SEPTIN11: variants seen among roughly 807,000 people sequenced by gnomAD.
SEPTIN11 encodes the protein septin-11.
SEPTIN11 carries 25 observed loss-of-function variants against 51.4 expected under a neutral mutation model. The ratio of observed to expected loss-of-function variants is 0.49; its 90% CI spans 0.35 to 0.68. The LOEUF (loss-of-function observed/expected upper bound fraction) is 0.68, where lower values mean the gene tolerates loss of function less well. Ranked by LOEUF, SEPTIN11 falls within the 30% of genes least tolerant of loss-of-function variation. The probability of loss-of-function intolerance (pLI) is 0.00; values close to 1 mark genes in which losing one functional copy is unlikely to be tolerated. For missense variants in SEPTIN11, 381 were observed against 520.8 expected (o/e 0.73, Z 2.61); for synonymous variants, 174 against 184.1 (o/e 0.95, Z 0.44).
Position 77,037,396 on chromosome 4 carries a change from CT to C in SEPTIN11, c.*2885del. On this transcript the variant is annotated 3_prime_UTR_variant, in exon 10 of 10. Transcript: ENST00000264893. ...GAAATTATTAATCCCTGCCTGTGCT[CT>C]ACATAGCCTCATGGGCATCATTGGA... is the stretch of plus-strand genomic sequence containing the variant. 2.0e-6 allele frequency: 2 copies of C among 985,180 alleles called. No individual in the cohort carries two copies. The highest frequency in any genetic ancestry group is 2.4e-6 in the Non-Finnish European group (2 of 829,852). 61.0% of individuals were successfully genotyped at this position (985,180 alleles called of 1,614,324 possible).
At chr4:76,979,104 G>T (rs1214722649) in intron 1 of SEPTIN11, among the ~76,000 whole-genome samples, 1 of 152,160 alleles carries the variant, frequency 6.6e-6, no homozygotes, top group Non-Finnish European at 1.5e-5. Context: ...TATGGCCCTG[G>T]CTACTTGTGA....
At chr4:76,951,022 A>G (rs1170750210) in intron 1 of SEPTIN11, among the ~76,000 whole-genome samples, 1 of 150,930 alleles carries the variant, frequency 6.6e-6, no homozygotes, top group South Asian at 2.1e-4. Context: ...TCCCTTTCCC[A>G]CAGCTGTGCA....
chr4:77,016,522 GTAT>G lies in SEPTIN11; in HGVS notation c.687+1510_687+1512del, dbSNP rs1001974476. ...TATATATAGCATATATATATATTTT[GTAT>G]TATTGTTTTTATAATATATATAGCA... On this transcript the variant is annotated intron_variant, in intron 5 of 9. Coordinates refer to ENST00000264893, the MANE Select transcript of SEPTIN11 (RefSeq NM_018243.4). Among the ~76,000 whole-genome samples, 14 of 140,106 alleles carry G rather than the reference GTAT, an allele frequency of 1.0e-4. No individual in the cohort carries two copies. The South Asian group carries it at 1.3e-3, about 13-fold the overall frequency. 91.9% of individuals were successfully genotyped at this position (140,106 alleles called of 152,430 possible).
chr4:76,991,724 G>A (rs181949566), intron 1 of SEPTIN11, among the ~76,000 whole-genome samples: 1 of 152,252 alleles, frequency 6.6e-6, no homozygotes, highest in African/African-American at 2.4e-5. Context: ...TTGACGCCAT[G>A]GTATTGATGA....
chr4:76,977,468 G>C (rs552766336), intron 1 of SEPTIN11, among the ~76,000 whole-genome samples: 20 of 152,320 alleles, frequency 1.3e-4, no homozygotes, highest in African/African-American at 4.8e-4. Flanking sequence ...AACAGCACAA[G>C]TGAAATTACC....
chr4:76,952,318 G>A lies in SEPTIN11; in HGVS notation c.27+2388G>A, dbSNP rs183622170. ...GCTGAGGGAAAAGAACCACTCCGAA[G>A]TTGATTTATGTGTGAATGGAATTTC... On this transcript the variant is annotated intron_variant, in intron 1 of 9. Transcript: ENST00000264893. Among the ~76,000 whole-genome samples, 253 of 152,240 alleles carry A rather than the reference G, an allele frequency of 1.7e-3. 3 individuals carry two copies. Among genetic ancestry groups the A allele is most frequent in the Non-Finnish European group, 2.2e-4 (15 of 68,018 alleles).
chr4:77,034,281 G>A (rs750111202), intron 9 of SEPTIN11, among the ~76,000 whole-genome samples: 12 of 152,180 alleles, frequency 7.9e-5, no homozygotes, highest in Non-Finnish European at 1.6e-4. Context: ...ACATACAAAT[G>A]GAAACTAACC....
At position 76,976,152 on chromosome 4, in the gene SEPTIN11, T is replaced by TA. The variant is rs552061139; in HGVS notation, c.28-20270dup. ...ATTATGAGGTATCTACTTATATACT[T>TA]AAAGAAACCTCTGGTTTTTAGTACT... On this transcript the variant is annotated intron_variant, in intron 1 of 9. Coordinates refer to ENST00000264893, the MANE Select transcript of SEPTIN11 (RefSeq NM_018243.4). Among the ~76,000 whole-genome samples, 270 of 152,336 alleles carry TA rather than the reference T, an allele frequency of 1.8e-3. 3 individuals are homozygous for TA. The highest frequency in any genetic ancestry group is 6.1e-3 in the African/African-American group (252 of 41,574).
intron 2 of SEPTIN11, among the ~76,000 whole-genome samples, chr4:77,000,521 A>G: frequency 6.6e-6 from 1 of 152,250 alleles, no homozygotes; most frequent in South Asian, 2.1e-4. Context: ...TGGTCAGAGC[A>G]TGGAGAAAAT....
At chr4:76,979,096 T>C (rs1722634603) in intron 1 of SEPTIN11, among the ~76,000 whole-genome samples, 1 of 152,176 alleles carries the variant, frequency 6.6e-6, no homozygotes, top group Admixed American at 6.5e-5. Flanking sequence ...CCTAAACATA[T>C]GGCCCTGGCT....
intron 1 of SEPTIN11, among the ~76,000 whole-genome samples, chr4:76,963,443 T>G (rs1721901332): frequency 6.6e-6 from 1 of 152,210 alleles, no homozygotes; most frequent in South Asian, 2.1e-4. Flanking sequence ...TTGCCCAAGG[T>G]AAACAGTGAT....
intron 5 of SEPTIN11, among the ~76,000 whole-genome samples, chr4:77,018,212 A>G (rs1457138681): frequency 6.6e-6 from 1 of 152,110 alleles, no homozygotes; most frequent in Non-Finnish European, 1.5e-5. Context: ...GCACTTTCGG[A>G]GGCCAAGGCG....
chr4:76,985,696 G>A (rs1402895928), intron 1 of SEPTIN11, among the ~76,000 whole-genome samples: 1 of 152,218 alleles, frequency 6.6e-6, no homozygotes, highest in Admixed American at 6.5e-5. Context: ...ATGGAGGGAA[G>A]GTGGGCCAGG....
chr4:76,964,284 A>G (rs1721939752), intron 1 of SEPTIN11, among the ~76,000 whole-genome samples: 1 of 145,188 alleles, frequency 6.9e-6, no homozygotes, highest in African/African-American at 2.6e-5. Flanking sequence ...CCAGTCATCA[A>G]TTCTTGGCCA....
rs1419983931 is a variant in SEPTIN11 at position 77,034,946 on chromosome 4, T to G, written c.*434T>G. ...TTTCTTGATGATTCATCTCCATGAG[T>G]GCACAATCCCTGAACTCACTGTCTT... On this transcript the variant is annotated 3_prime_UTR_variant, in exon 10 of 10. Coordinates refer to ENST00000264893, the MANE Select transcript of SEPTIN11 (RefSeq NM_018243.4). 1.0e-6 allele frequency: 1 copy of G among 988,356 alleles called. No individual in the cohort carries two copies. Among genetic ancestry groups the G allele is most frequent in the Non-Finnish European group, 1.2e-6 (1 of 831,762 alleles). The allele number at this position is 988,356 out of a possible 1,614,324, so 61.2% of individuals were successfully genotyped here.
At chr4:77,039,186 TTCCACCATCGCC>T (rs1727229229), downstream of SEPTIN11, 1 of 1,268,458 alleles carries the variant, frequency 7.9e-7, no homozygotes, top group Non-Finnish European at 1.0e-6. Flanking sequence ...GTTACCTCAT[TTCCACCATCGCC>T]TCCTGTTCTT....
At chr4:76,974,443 A>G in intron 1 of SEPTIN11, 1 of 182,188 alleles carries the variant, frequency 5.5e-6, no homozygotes, top group Non-Finnish European at 1.2e-5. Context: ...AGGGCTCACA[A>G]AGAAACAATC....
At position 77,030,765 on chromosome 4, in the gene SEPTIN11, T is replaced by C; in HGVS notation, c.1087-18T>C. The C allele has an allele frequency of 4.4e-6, 7 of 1,575,968 alleles. No individual in the cohort carries two copies. The highest frequency in any genetic ancestry group is 6.0e-6 in the Non-Finnish European group (7 of 1,169,406). On this transcript the variant is annotated intron_variant, in intron 8 of 9. Transcript: ENST00000264893. ...ATTTTCATTCCATTCACCAAGCCTG[T>C]TTTCTTTTTCTCTCCAGCTTCACGA...
intron 9 of SEPTIN11, among the ~76,000 whole-genome samples, chr4:77,034,035 C>A (rs1346199201): frequency 6.6e-6 from 1 of 152,132 alleles, no homozygotes. Context: ...ATTTCAATCC[C>A]TAAACTGCTT....
Sources: gnomAD v4.1 joint callset for allele counts (sites outside exome capture counted in the v4.1 genomes callset) on GRCh38, gnomAD v4.1.1 for gene constraint, MANE v1.5 for transcripts, NCBI Gene and HGNC (gene_info 2026-07-23, HGNC 2026-07-21) for gene names.